Variants in FMN1 observed in about 807,000 individuals in gnomAD.
FMN1 encodes formin 1, also known as formin-1.
In FMN1, 110 loss-of-function variants were observed where a neutral mutation model predicts 132.4. The ratio of observed to expected loss-of-function variants is 0.83; its 90% confidence interval spans 0.71 to 0.97. FMN1 has a LOEUF of 0.97. FMN1 is among the 50% of genes least tolerant of loss of function. The pLI is 0.00. For synonymous variants in FMN1, 722 were observed against 651.7 expected (o/e 1.11, Z -1.64); for missense variants, 1,792 against 1,705.3 (o/e 1.05, Z -0.90).
At chr15:33,094,404 G>A (rs886601415) in intron 4 of FMN1, among the ~76,000 whole-genome samples, 2 of 152,216 alleles carry the variant, frequency 1.3e-5, no homozygotes, top group South Asian at 2.1e-4. Flanking sequence ...ACACAGTCAT[G>A]TGAAAGGCTA....
chr15:32,960,995 CAAAAA>C (rs539245532), intron 9 of FMN1, among the ~76,000 whole-genome samples: 6 of 59,092 alleles, frequency 1.0e-4, no homozygotes, highest in African/African-American at 4.5e-4. Context: ...GACTCCGTCT[CAAAAA>C]AAAAAAAAAA....
intron 16 of FMN1, among the ~76,000 whole-genome samples, chr15:32,877,073 G>C (rs546178159): frequency 6.6e-6 from 1 of 152,294 alleles, no homozygotes; most frequent in South Asian, 2.1e-4. Flanking sequence ...ATCACCTGAA[G>C]TCAGGAGTCT....
intron 3 of FMN1, among the ~76,000 whole-genome samples, chr15:33,166,270 C>T (rs1399239070): frequency 6.6e-6 from 1 of 151,674 alleles, no homozygotes; most frequent in Non-Finnish European, 1.5e-5. Context: ...CTGGACTCTC[C>T]GTATGCTGCT....
At chr15:32,980,057 C>A (rs189789813) in intron 7 of FMN1, among the ~76,000 whole-genome samples, 2 of 149,346 alleles carry the variant, frequency 1.3e-5, no homozygotes, top group African/African-American at 5.1e-5. Flanking sequence ...ACAGGGCAAA[C>A]AAACAAAGAG....
At chr15:32,955,553 C>A (rs2061746464) in intron 9 of FMN1, among the ~76,000 whole-genome samples, 1 of 152,084 alleles carries the variant, frequency 6.6e-6, no homozygotes, top group Non-Finnish European at 1.5e-5. Context: ...GCTCCAACCC[C>A]GTAACAGAAT....
At chr15:32,781,155 A>G (rs1439429388) in intron 19 of FMN1, among the ~76,000 whole-genome samples, 1 of 152,292 alleles carries the variant, frequency 6.6e-6, no homozygotes, top group Middle Eastern at 3.4e-3. Flanking sequence ...GCTATCTTTT[A>G]TATTTTTATT....
chr15:32,956,060 A>C lies in FMN1; in HGVS notation c.3138+8047T>G, dbSNP rs533339995. On this transcript the variant is annotated intron_variant, in intron 9 of 20. Transcript: ENST00000616417. ...TGTGAAATTTGGCCTCATGGTCCAC[A>C]ATAGAGATATGAGAAGACTAAAGAG... Among the ~76,000 whole-genome samples, 42 of 152,280 alleles carry C rather than the reference A, an allele frequency of 2.8e-4. No individual in the cohort carries two copies. In the East Asian group the frequency reaches 6.8e-3, roughly 25 times the overall value.
At chr15:33,099,772 C>T (rs186302785) in intron 4 of FMN1, among the ~76,000 whole-genome samples, 1 of 152,164 alleles carries the variant, frequency 6.6e-6, no homozygotes, top group South Asian at 2.1e-4. Flanking sequence ...TAAAAGTCAT[C>T]TAGTTTTCTC....
rs57369569 is a variant in FMN1, at chr15:33,082,020, GGTGTGTGT to G, written c.2043+6771_2043+6778del. ...CCAGAATCAACAAGAAGAGTTCAGG[GGTGTGTGT>G]GTGTGTGTGTGTGTGTGTGTGTGTG... On this transcript the variant is annotated intron_variant, in intron 5 of 20. Coordinates refer to ENST00000616417, the MANE Select transcript of FMN1 (RefSeq NM_001277313.2). 4.4e-3 allele frequency among the ~76,000 whole-genome samples: 523 copies of G among 117,816 alleles called. 7 individuals carry two copies. The highest frequency in any genetic ancestry group is 0.017 in the African/African-American group (489 of 29,428). 77.3% of individuals were successfully genotyped at this position (117,816 alleles called of 152,430 possible). A position where few individuals can be genotyped will look rare whatever the true frequency, so the allele number is the denominator to read the frequency against.
chr15:32,984,938 G>C (rs2140804988), intron 7 of FMN1, among the ~76,000 whole-genome samples: 1 of 126,100 alleles, frequency 7.9e-6, no homozygotes, highest in Non-Finnish European at 1.6e-5. Context: ...ACCTAAAAAA[G>C]TGCTTAAGGT....
chr15:33,038,749 G>C (rs961357850), intron 6 of FMN1, among the ~76,000 whole-genome samples: 3 of 152,136 alleles, frequency 2.0e-5, no homozygotes, highest in African/African-American at 7.2e-5. Context: ...AAGTATCATA[G>C]ACTCATTTGG....
chr15:32,777,489 T>C (rs984820139), intron 19 of FMN1, among the ~76,000 whole-genome samples: 1 of 146,980 alleles, frequency 6.8e-6, no homozygotes, highest in Non-Finnish European at 1.5e-5. Flanking sequence ...ATTATATTTA[T>C]ATATTACGTA....
intron 16 of FMN1, among the ~76,000 whole-genome samples, chr15:32,874,697 C>G (rs1289663655): frequency 6.6e-6 from 1 of 152,194 alleles, no homozygotes; most frequent in Non-Finnish European, 1.5e-5. Context: ...GGGGATAAAA[C>G]TTACCCTTAA....
intron 17 of FMN1, among the ~76,000 whole-genome samples, chr15:32,845,322 C>G (rs1725736597): frequency 6.6e-6 from 1 of 152,134 alleles, no homozygotes; most frequent in South Asian, 2.1e-4. Context: ...CACTGCAATT[C>G]TTTACTAATT....
Position 32,853,682 on chromosome 15 carries a change from T to C in FMN1, c.3928+3333A>G, listed in dbSNP as rs148748180. ...AAAACCCAGCCCCTACATCATAGCA[T>C]ACTGCTGTGAACTATAATGTATTTC... On this transcript the variant is annotated intron_variant, in intron 17 of 20. Coordinates refer to ENST00000616417, the MANE Select transcript of FMN1 (RefSeq NM_001277313.2). 7.6e-3 allele frequency among the ~76,000 whole-genome samples: 1,159 copies of C among 152,332 alleles called. 8 individuals are homozygous for C. The highest frequency in any genetic ancestry group is 0.026 in the African/African-American group (1,061 of 41,572).
At chr15:32,989,840 A>C (rs2033324584) in intron 7 of FMN1, among the ~76,000 whole-genome samples, 1 of 152,182 alleles carries the variant, frequency 6.6e-6, no homozygotes, top group South Asian at 2.1e-4. Context: ...CAGAGGGTGC[A>C]GGAGTTGTCA....
At chr15:32,922,171 T>G (rs560295534) in intron 10 of FMN1, among the ~76,000 whole-genome samples, 5 of 152,296 alleles carry the variant, frequency 3.3e-5, no homozygotes, top group African/African-American at 1.2e-4. Context: ...CCTGATCTTA[T>G]GTGCTGTTGT....
At chr15:33,108,476 T>C (rs1459008999) in intron 4 of FMN1, among the ~76,000 whole-genome samples, 1 of 152,020 alleles carries the variant, frequency 6.6e-6, no homozygotes, top group Non-Finnish European at 1.5e-5. Flanking sequence ...AAAAACAGCT[T>C]AAGTTATTAG....
intron 9 of FMN1, among the ~76,000 whole-genome samples, chr15:32,930,988 G>A (rs1005108671): frequency 7.2e-5 from 11 of 152,078 alleles, no homozygotes; most frequent in African/African-American, 2.4e-4. Context: ...CCTTGTCAAA[G>A]AACATTTGCC....
Sources: gnomAD v4.1 joint callset for allele counts (sites outside exome capture counted in the v4.1 genomes callset) on GRCh38, gnomAD v4.1.1 for gene constraint, MANE v1.5 for transcripts, NCBI Gene and HGNC (gene_info 2026-07-23, HGNC 2026-07-21) for gene names.